Variants in SLC30A7 observed in about 807,000 individuals in gnomAD.
SLC30A7 encodes the protein solute carrier family 30 member 7.
In SLC30A7, 35 loss-of-function variants were observed where a neutral mutation model predicts 46.0. The ratio of observed to expected loss-of-function variants is 0.76; its 90% CI spans 0.58 to 1.01. SLC30A7 has a LOEUF of 1.01. Among genes scored for constraint, SLC30A7 ranks in the 50% least tolerant of loss-of-function variants. The probability of loss-of-function intolerance (pLI) is 0.00; values close to 1 mark genes in which losing one functional copy is unlikely to be tolerated. For missense variants in SLC30A7, 464 were observed against 451.1 expected, an observed-to-expected ratio of 1.03 and a Z score of -0.26; for synonymous variants, 147 against 157.8, an observed-to-expected ratio of 0.93 and a Z score of 0.51.
downstream of SLC30A7, among the ~76,000 whole-genome samples, chr1:100,983,299 CA>C (rs1276460022): frequency 2.5e-5 from 3 of 120,376 alleles, no homozygotes; most frequent in Non-Finnish European, 5.1e-5. Context: ...TCATTCTTTC[CA>C]AAAAAAAGAA....
At chr1:100,933,026 A>G (rs965544117) in intron 8 of SLC30A7, among the ~76,000 whole-genome samples, 4 of 148,092 alleles carry the variant, frequency 2.7e-5, no homozygotes, top group African/African-American at 1.0e-4. Flanking sequence ...GCCAGGCTAG[A>G]GTGCTGTGGC....
At position 100,906,843 on chromosome 1, in the gene SLC30A7, CT is replaced by C; in HGVS notation, c.183-5del. ...ATTATAATTTGTCAATGTGTTTGTT[CT>C]TTTCCAGCTTAGGCTTGATTTCCGA... On this transcript the variant is annotated splice_region_variant and splice_polypyrimidine_tract_variant and intron_variant, in intron 2 of 10. Coordinates refer to ENST00000357650, the MANE Select transcript of SLC30A7 (RefSeq NM_133496.5). The C allele has an allele frequency of 6.3e-7, 1 of 1,595,556 alleles. No homozygotes were observed. Among genetic ancestry groups the C allele is most frequent in the Non-Finnish European group, 8.6e-7 (1 of 1,163,898 alleles).
intron 9 of SLC30A7, among the ~76,000 whole-genome samples, chr1:100,962,194 G>T (rs532897881): frequency 7.9e-5 from 12 of 152,248 alleles, no homozygotes; most frequent in Admixed American, 3.3e-4. Flanking sequence ...TCAACATAGA[G>T]TTTTTGAGCT....
intron 8 of SLC30A7, among the ~76,000 whole-genome samples, chr1:100,952,921 T>G (rs929939991): frequency 6.6e-6 from 1 of 152,188 alleles, no homozygotes; most frequent in Non-Finnish European, 1.5e-5. Flanking sequence ...CATTTTTAAC[T>G]TGTACTAGTG....
At position 100,975,787 on chromosome 1, in the gene SLC30A7, A is replaced by G. The variant is rs1355150111; in HGVS notation, c.*930A>G. The G allele has an allele frequency of 6.7e-6, 1 of 149,064 alleles. No homozygotes were observed. Among genetic ancestry groups the G allele is most frequent in the African/African-American group, 2.5e-5 (1 of 40,380 alleles). 9.2% of individuals were successfully genotyped at this position (149,064 alleles called of 1,614,324 possible). Reference sequence around the variant, plus strand: ...GTGATCCGTCCACCTCAGCCTCCCAAAGTGCTGGGATTACAGGTGTGAGCC... The same window carrying G: ...GTGATCCGTCCACCTCAGCCTCCCAGAGTGCTGGGATTACAGGTGTGAGCC... On this transcript the variant is annotated 3_prime_UTR_variant, in exon 11 of 11. Coordinates refer to ENST00000357650, the MANE Select transcript of SLC30A7 (RefSeq NM_133496.5).
chr1:100,993,559 A>AATATAAATATAT, the SLC30A7 span, among the ~76,000 whole-genome samples: 5 of 56,546 alleles, frequency 8.8e-5, 1 homozygote, highest in African/African-American at 3.1e-4. Context: ...CGAAAATATA[A>AATATAAATATAT]ATATATATAT....
At chr1:100,928,401 A>G (rs1349261417) in intron 8 of SLC30A7, among the ~76,000 whole-genome samples, 2 of 152,200 alleles carry the variant, frequency 1.3e-5, no homozygotes, top group Non-Finnish European at 2.9e-5. Flanking sequence ...TGAACATGCT[A>G]TGTGGCTATT....
chr1:100,931,810 G>A (rs1228962774), intron 8 of SLC30A7, among the ~76,000 whole-genome samples: 1 of 152,152 alleles, frequency 6.6e-6, no homozygotes, highest in East Asian at 1.9e-4. Flanking sequence ...GGAATTCATT[G>A]TTGAAATGTA....
At chr1:100,955,581 T>G (rs1655179996) in intron 8 of SLC30A7, among the ~76,000 whole-genome samples, 1 of 152,088 alleles carries the variant, frequency 6.6e-6, no homozygotes, top group Admixed American at 6.5e-5. Context: ...ACTTTTTGGG[T>G]TTGGATGTAG....
At chr1:100,912,725 CA>C (rs905737480) in intron 5 of SLC30A7, among the ~76,000 whole-genome samples, 1 of 149,080 alleles carries the variant, frequency 6.7e-6, no homozygotes, top group Non-Finnish European at 1.5e-5. Context: ...AAAAAAAAAA[CA>C]AAAAAAACAG....
chr1:100,972,223 CAG>C (rs1411825380), intron 10 of SLC30A7: 3 of 264,128 alleles, frequency 1.1e-5, no homozygotes, highest in African/African-American at 2.3e-5. Flanking sequence ...AGTTTGCATT[CAG>C]AGAGTAGGTG....
intron 8 of SLC30A7, among the ~76,000 whole-genome samples, chr1:100,922,637 A>G (rs150941774): frequency 8.5e-5 from 13 of 152,234 alleles, no homozygotes; most frequent in Non-Finnish European, 1.6e-4. Context: ...TTGAGGAAGC[A>G]TCTGCCTCGT....
chr1:100,994,936 A>G, the SLC30A7 span, among the ~76,000 whole-genome samples: 1 of 152,210 alleles, frequency 6.6e-6, no homozygotes, highest in Non-Finnish European at 1.5e-5. Context: ...ATATATTGCT[A>G]TTTCTACTCT....
At chr1:100,957,679 T>A (rs1655302107) in intron 8 of SLC30A7, among the ~76,000 whole-genome samples, 2 of 152,166 alleles carry the variant, frequency 1.3e-5, no homozygotes, top group South Asian at 4.1e-4. Context: ...TTCCCTAGAT[T>A]GAGATTGGAG....
chr1:100,954,767 G>A (rs969189984), intron 8 of SLC30A7, among the ~76,000 whole-genome samples: 1 of 152,030 alleles, frequency 6.6e-6, no homozygotes, highest in Non-Finnish European at 1.5e-5. Flanking sequence ...ATGAAATTCT[G>A]GATTAATAGG....
intron 8 of SLC30A7, among the ~76,000 whole-genome samples, chr1:100,943,994 G>GT (rs1654488069): frequency 6.6e-6 from 1 of 152,144 alleles, no homozygotes; most frequent in Admixed American, 6.5e-5. Context: ...AGCAAATATA[G>GT]TTACCTTTTC....
rs561236795 is a variant in SLC30A7, at chr1:100,959,754, A to G, written c.843-2074A>G. On this transcript the variant is annotated intron_variant, in intron 8 of 10. Transcript: ENST00000357650. ...CTCATCACTTTGTCATACTCTGTTC[A>G]TTAGCAGCAAGTCACTAAGTCCTGA... Among the ~76,000 whole-genome samples the G allele has an allele frequency of 1.3e-5, 2 of 152,310 alleles. 1 individual carries two copies. Among genetic ancestry groups the G allele is most frequent in the African/African-American group, 4.8e-5 (2 of 41,570 alleles).
chr1:100,904,518 T>C (rs1651515909), intron 2 of SLC30A7, among the ~76,000 whole-genome samples: 1 of 152,158 alleles, frequency 6.6e-6, no homozygotes, highest in Non-Finnish European at 1.5e-5. Flanking sequence ...TTAACTGCTT[T>C]CTCCACAGTG....
chr1:100,938,317 T>C (rs529998333), intron 8 of SLC30A7, among the ~76,000 whole-genome samples: 47 of 152,348 alleles, frequency 3.1e-4, no homozygotes, highest in Non-Finnish European at 6.2e-4. Context: ...ATACCTCTTA[T>C]AAAATTCATC....
Sources: allele counts gnomAD v4.1 joint callset (sites outside exome capture counted in the v4.1 genomes callset), GRCh38; gene constraint gnomAD v4.1.1; transcripts MANE v1.5; gene names NCBI Gene and HGNC (gene_info 2026-07-23, HGNC 2026-07-21).